Variants in PARP11 observed in about 807,000 individuals in gnomAD.
PARP11 encodes poly(ADP-ribose) polymerase family member 11.
PARP11 carries 31 observed loss-of-function variants against 42.9 expected under a neutral mutation model. That is an observed-to-expected ratio of 0.72 (90% confidence interval 0.54 to 0.98). The LOEUF is 0.98. Ranked by LOEUF, PARP11 falls within the 50% of genes least tolerant of loss-of-function variation. PARP11 has a pLI of 0.00. For missense variants in PARP11, 365 were observed against 413.1 expected (o/e 0.88, Z 1.01); for synonymous variants, 137 against 127.3 (o/e 1.08, Z -0.51).
At chr12:3,853,691 C>CT (rs1351351578) in intron 1 of PARP11, among the ~76,000 whole-genome samples, 1 of 152,184 alleles carries the variant, frequency 6.6e-6, no homozygotes, top group Admixed American at 6.5e-5. Flanking sequence ...CAATGGGAGA[C>CT]TTTAACACCC....
chr12:3,873,184 G>GC, intron 1 of PARP11, 28 bp downstream of exon 1: 3 of 1,532,940 alleles, frequency 2.0e-6, no homozygotes, highest in Non-Finnish European at 1.8e-6. Flanking sequence ...CGCCCCCTGG[G>GC]CCCGCCCCGT....
chr12:3,873,349 A>T lies in PARP11; in HGVS notation c.-120T>A. Reference sequence around the variant, plus strand: ...GCGAAGGGACGGAGATGCAACCTTTACGAAGGCCTTCCTCCTCCCCCTCCC... The same window carrying T: ...GCGAAGGGACGGAGATGCAACCTTTTCGAAGGCCTTCCTCCTCCCCCTCCC... On this transcript the variant is annotated 5_prime_UTR_variant, in exon 1 of 8. Transcript: ENST00000228820. The T allele has an allele frequency of 1.1e-6, 1 of 901,318 alleles. No homozygotes were observed. The highest frequency in any genetic ancestry group is 1.4e-5 in the South Asian group (1 of 69,000). 55.8% of individuals were successfully genotyped at this position (901,318 alleles called of 1,614,324 possible). A position where few individuals can be genotyped will look rare whatever the true frequency, so the allele number is the denominator to read the frequency against.
chr12:3,810,963 G>C lies in PARP11; in HGVS notation c.*1160C>G, dbSNP rs917645094. 6 of 152,160 alleles carry C rather than the reference G, an allele frequency of 3.9e-5. No individual in the cohort carries two copies. The highest frequency in any genetic ancestry group is 8.8e-5 in the Non-Finnish European group (6 of 68,030). 9.4% of individuals were successfully genotyped at this position (152,160 alleles called of 1,614,324 possible). A position where few individuals can be genotyped will look rare whatever the true frequency, so the allele number is the denominator to read the frequency against. ...AACATGCCCGCCAAGTTGCTGTCTC[G>C]CCTCTGCTAGAATACCTTTAGGGGA... On this transcript the variant is annotated 3_prime_UTR_variant, in exon 8 of 8. Coordinates refer to ENST00000228820, the MANE Select transcript of PARP11 (RefSeq NM_020367.6).
intron 1 of PARP11, chr12:3,841,046 G>C (rs1947878186): frequency 6.3e-7 from 1 of 1,587,616 alleles, no homozygotes. Flanking sequence ...TTGACCCCTG[G>C]ACCTGATTCT....
In PARP11 at chr12:3,840,641, T is replaced by C. The variant is rs1406575952; in HGVS notation, c.19-10623A>G. 4 of 1,206,186 alleles carry C rather than the reference T, an allele frequency of 3.3e-6. No homozygotes were observed. Among genetic ancestry groups the C allele is most frequent in the African/African-American group, 3.0e-5 (2 of 66,890 alleles). The allele number at this position is 1,206,186 out of a possible 1,614,324, so 74.7% of individuals were successfully genotyped here. A position where few individuals can be genotyped will look rare whatever the true frequency, so the allele number is the denominator to read the frequency against. On this transcript the variant is annotated intron_variant, in intron 1 of 7. Transcript: ENST00000228820. This position sits in a 1 kb window ranked among gnomAD's most constrained non-coding sequence, Gnocchi z 4.4. ...TGCTACTTCTCAGAGTAGCAATCCA[T>C]GTGTCCAGAGAAAATCATCACACGT...
At chr12:3,817,415 T>C (rs1164431511) in intron 6 of PARP11, among the ~76,000 whole-genome samples, 1 of 152,126 alleles carries the variant, frequency 6.6e-6, no homozygotes, top group African/African-American at 2.4e-5. Context: ...GTTAAAGCTT[T>C]GTATCCCCAC....
At chr12:3,854,452 A>G (rs1948156221) in intron 1 of PARP11, among the ~76,000 whole-genome samples, 1 of 152,198 alleles carries the variant, frequency 6.6e-6, no homozygotes, top group South Asian at 2.1e-4. Context: ...GATAAAGGGG[A>G]TATCACCACT....
At position 3,830,017 on chromosome 12, in the gene PARP11, T is replaced by C; in HGVS notation, c.20A>G (p.Glu7Gly). 5.0e-6 allele frequency: 8 copies of C among 1,613,432 alleles called. No homozygotes were observed. The highest frequency in any genetic ancestry group is 5.9e-6 in the Non-Finnish European group (7 of 1,179,390). Residue 7 changes from glutamate (E) to glycine (G), a missense_variant and splice_region_variant, in exon 2 of 8, where the codon GAG becomes GGG. Coordinates refer to ENST00000228820, the MANE Select transcript of PARP11 (RefSeq NM_020367.6). MWEANP[E>G]MFHKAEELFS... Reference sequence around the variant, plus strand: ...TAATTCTTCTGCTTTGTGAAACATCTCCTGAAAAGCCAGAAGGAGGTGGAG... The same window carrying C: ...TAATTCTTCTGCTTTGTGAAACATCCCCTGAAAAGCCAGAAGGAGGTGGAG...
chr12:3,841,561 C>T (rs1270760195), intron 1 of PARP11: 1 of 1,606,632 alleles, frequency 6.2e-7, no homozygotes, highest in Admixed American at 1.7e-5. Flanking sequence ...TCTGGTTATC[C>T]CTCCATCTCA....
intron 4 of PARP11, among the ~76,000 whole-genome samples, chr12:3,822,591 T>TC (rs1453862157): frequency 4.5e-5 from 6 of 133,408 alleles, no homozygotes; most frequent in Non-Finnish European, 6.2e-5. Context: ...AGGGCGAGAC[T>TC]CCGTCTCAAA....
Position 3,828,990 on chromosome 12 carries a change from A to G in PARP11, c.188T>C (p.Ile63Thr), listed in dbSNP as rs137886893. The change falls in exon 3 of 8, where the codon ATC becomes ACC. Residue 63 changes from isoleucine (I) to threonine (T), a missense_variant. Physicochemically the swap from Ile to Thr is moderately conservative, Grantham distance 89 (BLOSUM62 -1). Transcript: ENST00000228820. ...NSQCSVSSED[I>T]EKSFKTNPCG... Reference sequence around the variant, plus strand: ...AGGGTTTGTTTTGAAGCTTTTTTCGATATCTTCACTGCTAACTGAACACTG... The same window carrying G: ...AGGGTTTGTTTTGAAGCTTTTTTCGGTATCTTCACTGCTAACTGAACACTG... The G allele has an allele frequency of 3.1e-6, 5 of 1,613,968 alleles. No individual in the cohort carries two copies. The highest frequency in any genetic ancestry group is 1.3e-5 in the African/African-American group (1 of 74,928).
Position 3,810,800 on chromosome 12 carries a change from CAGAAG to C in PARP11, c.*1318_*1322del, listed in dbSNP as rs1344406004. 6.7e-6 allele frequency: 1 copy of C among 148,992 alleles called. No homozygotes were observed. The highest frequency in any genetic ancestry group is 1.5e-5 in the Non-Finnish European group (1 of 67,388). The allele number at this position is 148,992 out of a possible 1,614,324, so 9.2% of individuals were successfully genotyped here. Reference sequence around the variant, plus strand: ...GAGGAAGAGAAGAGGAAGAGGAAGACAGAAGAGAAGAGAAAGAAGAGAAGAGAAAG... The same window carrying C: ...GAGGAAGAGAAGAGGAAGAGGAAGACAGAAGAGAAAGAAGAGAAGAGAAAG... On this transcript the variant is annotated 3_prime_UTR_variant, in exon 8 of 8. Transcript: ENST00000228820.
At position 3,840,607 on chromosome 12, in the gene PARP11, TCTAA is replaced by T; in HGVS notation, c.19-10593_19-10590del. On this transcript the variant is annotated intron_variant, in intron 1 of 7. Coordinates refer to ENST00000228820, the MANE Select transcript of PARP11 (RefSeq NM_020367.6). This position sits in a 1 kb window ranked among gnomAD's most constrained non-coding sequence, Gnocchi z 4.4. ...GGATTCTGATCACACAAGTCGAGAA[TCTAA>T]CTATTGCTACTTCTCAGAGTAGCAA... is the stretch of plus-strand genomic sequence containing the variant. 1.5e-6 allele frequency: 2 copies of T among 1,334,232 alleles called. No individual in the cohort carries two copies. The highest frequency in any genetic ancestry group is 2.3e-5 in the East Asian group (1 of 43,558). The allele number at this position is 1,334,232 out of a possible 1,614,324, so 82.6% of individuals were successfully genotyped here. A position where few individuals can be genotyped will look rare whatever the true frequency, so the allele number is the denominator to read the frequency against.
At chr12:3,813,530 G>A (rs1027405681) in intron 7 of PARP11, among the ~76,000 whole-genome samples, 1 of 152,216 alleles carries the variant, frequency 6.6e-6, no homozygotes. Flanking sequence ...ACACTGATGG[G>A]ATTTATGTAA....
At chr12:3,826,077 T>G in intron 4 of PARP11, 81 bp downstream of exon 4, 1 of 815,602 alleles carries the variant, frequency 1.2e-6, no homozygotes. Flanking sequence ...CCTACCAAAA[T>G]ATTTCCAGTC....
In PARP11 at chr12:3,873,147, C is replaced by A. The variant is rs547022953; in HGVS notation, c.18+65G>T. On this transcript the variant is annotated intron_variant, in intron 1 of 7. Coordinates refer to ENST00000228820, the MANE Select transcript of PARP11 (RefSeq NM_020367.6). ...AGCGCGGGGAAGCAGTTCCGGTGAC[C>A]CCCTCCCGCCCCTCTCTCATCAACC... 1.8e-5 allele frequency: 25 copies of A among 1,358,222 alleles called. No homozygotes were observed. In the South Asian group the frequency reaches 3.0e-4, roughly 16 times the overall value. The allele number at this position is 1,358,222 out of a possible 1,614,324, so 84.1% of individuals were successfully genotyped here. A position where few individuals can be genotyped will look rare whatever the true frequency, so the allele number is the denominator to read the frequency against.
At position 3,822,096 on chromosome 12, in the gene PARP11, CT is replaced by C. The variant is rs763269296; in HGVS notation, c.405del (p.Val136TyrfsTer40). Reference sequence around the variant, plus strand: ...AATTCTGCTCTTACCTGATATGGTACTTGAGTATTCACATTCTCCCAGTGTG... The same window carrying C: ...AATTCTGCTCTTACCTGATATGGTACTGAGTATTCACATTCTCCCAGTGTG... ...MPPHWENVNT[Q>X]VPYQLIPLHN... is the part of the protein sequence containing the mutation. On this transcript the variant is annotated frameshift_variant, in exon 5 of 8. Transcript: ENST00000228820. LOFTEE classifies it high-confidence loss of function. 4.3e-6 allele frequency: 7 copies of C among 1,613,668 alleles called. No homozygotes were observed. In the East Asian group the frequency reaches 1.6e-4, roughly 36 times the overall value.
rs1047912619 is a variant in PARP11, at chr12:3,812,242, T to C, written c.898A>G (p.Lys300Glu). The change falls in exon 8 of 8, where the codon AAA becomes GAA. Residue 300 changes from lysine to glutamate, a missense_variant. Coordinates refer to ENST00000228820, the MANE Select transcript of PARP11 (RefSeq NM_020367.6). ...TATAAATTCACATAGCTCCCGTCTT[T>C]GGAAGGAGGTCGCATGTATTTGGAG... ...GDSKYMRPPS[K>E]DGSYVNLYDS... The C allele has an allele frequency of 6.2e-7, 1 of 1,614,186 alleles. No individual in the cohort carries two copies.
At chr12:3,813,573 G>C (rs575118292) in intron 7 of PARP11, among the ~76,000 whole-genome samples, 1 of 152,328 alleles carries the variant, frequency 6.6e-6, no homozygotes, top group South Asian at 2.1e-4. Flanking sequence ...TAAATAAGTG[G>C]AATGGCCTTT....
Sources: gnomAD v4.1 joint callset for allele counts (sites outside exome capture counted in the v4.1 genomes callset) on GRCh38, gnomAD v4.1.1 for gene constraint, Gnocchi (gnomAD v3.1) non-coding constraint, MANE v1.5 for transcripts, NCBI Gene and HGNC (gene_info 2026-07-23, HGNC 2026-07-21) for gene names.